Variants in NUP155 observed in about 807,000 individuals in gnomAD.
NUP155 encodes nuclear pore complex protein Nup155.
NUP155 carries 71 observed loss-of-function variants against 180.4 expected under a neutral mutation model. That is an observed-to-expected ratio of 0.39 (90% confidence interval 0.33 to 0.48). The LOEUF is 0.48. NUP155 is among the 20% of genes least tolerant of loss of function. NUP155 has a pLI of 0.91. For synonymous variants in NUP155, 582 were observed against 559.5 expected, an observed-to-expected ratio of 1.04 and a Z score of -0.57; for missense variants, 1,553 against 1,648.9, an observed-to-expected ratio of 0.94 and a Z score of 1.01.
chr5:37,353,033 G>C (rs1358338507), intron 4 of NUP155, among the ~76,000 whole-genome samples: 1 of 151,618 alleles, frequency 6.6e-6, no homozygotes, highest in Non-Finnish European at 1.5e-5. Context: ...TAATGAAGAG[G>C]AAAAAAAGTT....
intron 9 of NUP155, among the ~76,000 whole-genome samples, chr5:37,345,222 T>A (rs1464188149): frequency 2.6e-5 from 4 of 151,118 alleles, no homozygotes; most frequent in Non-Finnish European, 5.9e-5. Flanking sequence ...TGTAACAGAC[T>A]AAAGGCATGT....
At chr5:37,337,993 T>A in intron 11 of NUP155, 75 bp from the exon 12 acceptor site, 1 of 972,646 alleles carries the variant, frequency 1.0e-6, no homozygotes, top group Non-Finnish European at 1.6e-6. Flanking sequence ...AATTATTAGG[T>A]TAGTGCAAAA....
chr5:37,331,878 T>G lies in NUP155; in HGVS notation c.1519-83A>C. 3 of 868,092 alleles carry G rather than the reference T, an allele frequency of 3.5e-6. No individual in the cohort carries two copies. The South Asian group carries it at 4.0e-5, about 12-fold the overall frequency. The allele number at this position is 868,092 out of a possible 1,614,324, so 53.8% of individuals were successfully genotyped here. ...ACTGACTCTACCTTATTTGATAAAATAAATGAAACAAACAAAAAAAACCAT... is the reference window on the plus strand; with the variant it reads ...ACTGACTCTACCTTATTTGATAAAAGAAATGAAACAAACAAAAAAAACCAT... On this transcript the variant is annotated intron_variant, in intron 13 of 34. Transcript: ENST00000231498.
At chr5:37,295,857 C>T (rs1201368323) in intron 32 of NUP155, among the ~76,000 whole-genome samples, 3 of 144,640 alleles carry the variant, frequency 2.1e-5, no homozygotes, top group African/African-American at 7.8e-5. Flanking sequence ...CCGGCAGCCA[C>T]CCCGTCCGGG....
Position 37,310,623 on chromosome 5 carries a change from C to G in NUP155, c.2557G>C (p.Asp853His). ...NCYIRDNAAVDGISLHLQDIC... is the reference protein window; with the variant it reads ...NCYIRDNAAVHGISLHLQDIC... ...TCCTGTAAATGTAAACTAATGCCAT[C>G]AACAGCGGCATTATCTCTGATGTAG... The change falls in exon 23 of 35, where the codon GAT (aspartate) becomes CAT (histidine). Residue 853 changes from aspartate (D) to histidine (H), a missense_variant. By Grantham distance (81) the Asp-to-His change is moderately conservative. Coordinates refer to ENST00000231498, the MANE Select transcript of NUP155 (RefSeq NM_153485.3). 6.2e-7 allele frequency: 1 copy of G among 1,613,350 alleles called. No individual in the cohort carries two copies. The highest frequency in any genetic ancestry group is 8.5e-7 in the Non-Finnish European group (1 of 1,179,464).
chr5:37,304,347 CTCAAAGGCATTATTGAAATTA>C (rs1388669634), intron 27 of NUP155, among the ~76,000 whole-genome samples: 1 of 150,758 alleles, frequency 6.6e-6, no homozygotes, highest in African/African-American at 2.4e-5. Flanking sequence ...AGACATTGAG[CTCAAAGGCATTATTGAAATTA>C]TCAAATGCTA....
chr5:37,295,110 G>C (rs934150950), intron 32 of NUP155, among the ~76,000 whole-genome samples: 4 of 152,150 alleles, frequency 2.6e-5, no homozygotes, highest in Admixed American at 2.0e-4. Flanking sequence ...GCCGAAGCTG[G>C]ACTGTACTGC....
rs150594 is a variant in NUP155 at position 37,333,625 on chromosome 5, A to G, written c.1356T>C (p.Ala452=). 308,012 of 1,610,974 alleles carry G rather than the reference A, an allele frequency of 0.19. 43,624 individuals are homozygous for G. Among genetic ancestry groups the G allele is most frequent in the African/African-American group, 0.77 (57,286 of 74,848 alleles). Residue 452 remains alanine (A), a synonymous_variant, in exon 13 of 35, where the codon GCT becomes GCC. Coordinates refer to ENST00000231498, the MANE Select transcript of NUP155 (RefSeq NM_153485.3). ...QKPMMETQMT[A]GVDGHSWALS... ...GAGCCCAGGAATGACCATCAACACC[A>G]GCTGTCATCTATGTAAAAGAAATAA...
intron 29 of NUP155, 29 bp from the exon 30 acceptor site, chr5:37,301,579 A>G: frequency 7.7e-7 from 1 of 1,292,444 alleles, no homozygotes; most frequent in Non-Finnish European, 1.1e-6. Context: ...AGGATGTCTT[A>G]ATTTATTTAT....
chr5:37,308,147 C>T (rs914443030), intron 24 of NUP155, among the ~76,000 whole-genome samples: 1 of 151,848 alleles, frequency 6.6e-6, no homozygotes, highest in Non-Finnish European at 1.5e-5. Context: ...CAGATTATAC[C>T]TTAAAACTCA....
rs565688827 is a variant in NUP155, at chr5:37,363,209, C to T, written c.392+679G>A. 5.9e-5 allele frequency among the ~76,000 whole-genome samples: 9 copies of T among 152,242 alleles called. No homozygotes were observed. The Middle Eastern group carries it at 0.01, about 173-fold the overall frequency. On this transcript the variant is annotated intron_variant, in intron 3 of 34. Transcript: ENST00000231498. ...TTATAGGCGTTTGAGTCAGCGTGCTCGGCCGATACAGTGTCTTTTTAATGC... is the reference window on the plus strand; with the variant it reads ...TTATAGGCGTTTGAGTCAGCGTGCTTGGCCGATACAGTGTCTTTTTAATGC...
rs1247006034 is a variant in NUP155, at chr5:37,295,988, A to G, written c.3794-1523T>C. On this transcript the variant is annotated intron_variant, in intron 32 of 34. Coordinates refer to ENST00000231498, the MANE Select transcript of NUP155 (RefSeq NM_153485.3). ...GCCCCTCTGCCCGGCCAGCCGCCCC[A>G]TCCGGGAGGGAGGAGGGGGGGGTCA... is the stretch of plus-strand genomic sequence containing the variant. Among the ~76,000 whole-genome samples the G allele has an allele frequency of 9.7e-5, 11 of 113,216 alleles. No homozygotes were observed. In the South Asian group the frequency reaches 2.1e-3, roughly 21 times the overall value. The allele number at this position is 113,216 out of a possible 152,430, so 74.3% of individuals were successfully genotyped here.
chr5:37,301,170 G>C, intron 30 of NUP155: 1 of 376,220 alleles, frequency 2.7e-6, no homozygotes, highest in Non-Finnish European at 5.0e-6. Context: ...TGTTGCCCAG[G>C]CTGGAAATAA....
intron 11 of NUP155, among the ~76,000 whole-genome samples, chr5:37,340,770 G>C (rs1028015782): frequency 6.6e-6 from 1 of 152,162 alleles, no homozygotes; most frequent in African/African-American, 2.4e-5. Context: ...AAATGTAGCA[G>C]TGAAAACTAC....
Position 37,333,455 on chromosome 5 carries a change from G to A in NUP155, c.1518+8C>T, listed in dbSNP as rs776813493. ...TTTTGTCACTACCATAACAGAATAC[G>A]TACACACCTGTGCTGAGAGGAGAAC... On this transcript the variant is annotated splice_region_variant and intron_variant, in intron 13 of 34. Transcript: ENST00000231498. 3.7e-6 allele frequency: 6 copies of A among 1,612,232 alleles called. No individual in the cohort carries two copies. The highest frequency in any genetic ancestry group is 3.3e-5 in the South Asian group (3 of 91,044).
rs764728832 is a variant in NUP155 at position 37,370,818 on chromosome 5, C to T, written c.157+3G>A. The T allele has an allele frequency of 2.5e-6, 4 of 1,614,172 alleles. No individual in the cohort carries two copies. The highest frequency in any genetic ancestry group is 1.7e-5 in the Admixed American group (1 of 60,018). On this transcript the variant is annotated splice_donor_region_variant and intron_variant, in intron 1 of 34. Coordinates refer to ENST00000231498, the MANE Select transcript of NUP155 (RefSeq NM_153485.3). The stretch of plus-strand genomic sequence containing the variant: ...TTGAGAAAGCAGGGTCACTATCACT[C>T]ACTTGGGGCAGACACCATAAGCAGC...
Position 37,307,367 on chromosome 5 carries a change from G to C in NUP155, c.2833C>G (p.Leu945Val). 1 of 1,613,848 alleles carries C rather than the reference G, an allele frequency of 6.2e-7. No homozygotes were observed. Among genetic ancestry groups the C allele is most frequent in the East Asian group, 2.2e-5 (1 of 44,870 alleles). ...CCATGTTTATAGAAATGAAGCCCAAGACCTTGAGGATCTTTTTTCTCTGCA... is the reference window on the plus strand; with the variant it reads ...CCATGTTTATAGAAATGAAGCCCAACACCTTGAGGATCTTTTTTCTCTGCA... ...TAAEKKDPQGLGLHFYKHGEP... is the reference protein window; with the variant it reads ...TAAEKKDPQGVGLHFYKHGEP... The change falls in exon 25 of 35, where the codon CTT becomes GTT. Residue 945 changes from leucine (L) to valine (V), a missense_variant. Leu to Val is a conservative substitution (Grantham distance 32). Transcript: ENST00000231498.
At chr5:37,344,242 C>A (rs1264771541) in intron 9 of NUP155, among the ~76,000 whole-genome samples, 1 of 150,814 alleles carries the variant, frequency 6.6e-6, no homozygotes, top group Non-Finnish European at 1.5e-5. Context: ...ACTTGGGTGG[C>A]TGAGGCACGA....
intron 22 of NUP155, among the ~76,000 whole-genome samples, chr5:37,313,783 G>C (rs575667899): frequency 6.6e-6 from 1 of 152,152 alleles, no homozygotes; most frequent in Non-Finnish European, 1.5e-5. Context: ...GATCACAGGC[G>C]TGAGGCATGG....
Sources: allele counts gnomAD v4.1 joint callset (sites outside exome capture counted in the v4.1 genomes callset), GRCh38; gene constraint gnomAD v4.1.1; transcripts MANE v1.5; gene names NCBI Gene and HGNC (gene_info 2026-07-23, HGNC 2026-07-21).